CCBE1: variants seen among roughly 807,000 people sequenced by gnomAD.
CCBE1 encodes collagen and calcium-binding EGF domain-containing protein 1.
Under a neutral mutation model 50.0 loss-of-function variants are expected in CCBE1, and 37 were observed. The ratio of observed to expected loss-of-function variants is 0.74; its 90% CI spans 0.57 to 0.97. The LOEUF (loss-of-function observed/expected upper bound fraction) is 0.97, where lower values mean the gene tolerates loss of function less well. Among genes scored for constraint, CCBE1 ranks in the 50% least tolerant of loss-of-function variants. The probability of loss-of-function intolerance (pLI) is 0.00; values close to 1 mark genes in which losing one functional copy is unlikely to be tolerated. For synonymous variants in CCBE1, 234 were observed against 203.7 expected, an observed-to-expected ratio of 1.15 and a Z score of -1.27; for missense variants, 538 against 523.8, an observed-to-expected ratio of 1.03 and a Z score of -0.26.
At chr18:59,636,159 A>G (rs912222221) in intron 2 of CCBE1, among the ~76,000 whole-genome samples, 10 of 152,276 alleles carry the variant, frequency 6.6e-5, no homozygotes, top group African/African-American at 1.7e-4. Context: ...TCTCTAAAAA[A>G]AAATAAAGCC....
intron 7 of CCBE1, among the ~76,000 whole-genome samples, chr18:59,446,728 T>C (rs1037723488): frequency 2.0e-5 from 3 of 152,348 alleles, no homozygotes; most frequent in South Asian, 4.1e-4. Flanking sequence ...TAAATGCCGC[T>C]GACCACTGCA....
chr18:59,554,921 T>C (rs966629746), intron 2 of CCBE1, among the ~76,000 whole-genome samples: 1 of 152,234 alleles, frequency 6.6e-6, no homozygotes, highest in Non-Finnish European at 1.5e-5. Context: ...CGCAGGTCTC[T>C]GACAGAATGC....
chr18:59,683,194 A>G (rs572636357), intron 2 of CCBE1, among the ~76,000 whole-genome samples: 51 of 152,304 alleles, frequency 3.3e-4, no homozygotes, highest in African/African-American at 1.2e-3. Flanking sequence ...TCACCTGTTC[A>G]AGGCATAAGG....
At chr18:59,546,622 C>A (rs558839367) in intron 2 of CCBE1, among the ~76,000 whole-genome samples, 50 of 152,328 alleles carry the variant, frequency 3.3e-4, no homozygotes, top group African/African-American at 1.2e-3. Context: ...AATCCTTGAT[C>A]TATTTTTGTA....
chr18:59,560,982 G>A (rs1444273990), intron 2 of CCBE1, among the ~76,000 whole-genome samples: 1 of 152,230 alleles, frequency 6.6e-6, no homozygotes, highest in Non-Finnish European at 1.5e-5. Flanking sequence ...CCTAGACCCT[G>A]AGCCTTCACT....
chr18:59,588,123 C>G (rs552285329), intron 2 of CCBE1, among the ~76,000 whole-genome samples: 6 of 152,274 alleles, frequency 3.9e-5, no homozygotes, highest in African/African-American at 1.4e-4. Context: ...TTACATAGCT[C>G]AAAGGGCCAA....
At chr18:59,469,079 C>T (rs1453541381) in intron 4 of CCBE1, among the ~76,000 whole-genome samples, 2 of 152,230 alleles carry the variant, frequency 1.3e-5, no homozygotes, top group African/African-American at 4.8e-5. Context: ...CTCTGACTTC[C>T]TCCCAACCTG....
At chr18:59,541,876 T>TA (rs35073472) in intron 2 of CCBE1, among the ~76,000 whole-genome samples, 41,420 of 148,954 alleles carry the variant, frequency 0.28, 5,774 homozygotes, top group African/African-American at 0.32. Flanking sequence ...TCTGCTTAAT[T>TA]AAAAAAAAAA....
intron 2 of CCBE1, among the ~76,000 whole-genome samples, chr18:59,631,635 C>A (rs944675152): frequency 2.6e-5 from 4 of 152,206 alleles, no homozygotes; most frequent in Non-Finnish European, 4.4e-5. Flanking sequence ...TATGTGAGAG[C>A]AGCATGGTTC....
At chr18:59,646,872 T>C (rs2054061086) in intron 2 of CCBE1, among the ~76,000 whole-genome samples, 1 of 152,096 alleles carries the variant, frequency 6.6e-6, no homozygotes. Flanking sequence ...CTTAAGACAA[T>C]GATCAGGTCG....
chr18:59,474,532 C>T (rs909193140), intron 3 of CCBE1, among the ~76,000 whole-genome samples: 11 of 152,210 alleles, frequency 7.2e-5, no homozygotes, highest in African/African-American at 2.7e-4. Flanking sequence ...AGGGAGAAGG[C>T]TGAGGGCTTC....
At chr18:59,689,716 G>C (rs1408094181) in intron 2 of CCBE1, among the ~76,000 whole-genome samples, 1 of 152,338 alleles carries the variant, frequency 6.6e-6, no homozygotes, top group Admixed American at 6.5e-5. Flanking sequence ...AACTGGGCTT[G>C]GGGTATTTGT....
At chr18:59,466,274 T>C (rs1911736224) in intron 5 of CCBE1, among the ~76,000 whole-genome samples, 1 of 152,020 alleles carries the variant, frequency 6.6e-6, no homozygotes, top group South Asian at 2.1e-4. Flanking sequence ...TCCCATGCTA[T>C]TCTCATGACA....
intron 2 of CCBE1, among the ~76,000 whole-genome samples, chr18:59,654,439 A>G (rs1485666709): frequency 6.6e-6 from 1 of 152,222 alleles, no homozygotes; most frequent in African/African-American, 2.4e-5. Context: ...AAGCCTGGCC[A>G]ACATGGCAAA....
At chr18:59,515,674 T>G (rs562237729) in intron 2 of CCBE1, among the ~76,000 whole-genome samples, 1 of 152,216 alleles carries the variant, frequency 6.6e-6, no homozygotes, top group Non-Finnish European at 1.5e-5. Flanking sequence ...GGCTCTATGT[T>G]GCTCCCCTCT....
Position 59,697,276 on chromosome 18 carries a change from G to C in CCBE1, c.67C>G (p.Leu23Val). 1 of 1,549,212 alleles carries C rather than the reference G, an allele frequency of 6.5e-7. No individual in the cohort carries two copies. The highest frequency in any genetic ancestry group is 8.7e-7 in the Non-Finnish European group (1 of 1,146,750). The change falls in exon 1 of 11, where the codon CTG becomes GTG. Residue 23 changes from leucine to valine, a missense_variant. Leu to Val is a conservative substitution (Grantham distance 32). Transcript: ENST00000439986. ...RGQLGRSLGP[L>V]LLLLALGHTW... ...TGTCCCAACGCCAGGAGCAGCAGCA[G>C]CGGACCCAGGCTCCTGCCCAGCTGG...
intron 2 of CCBE1, among the ~76,000 whole-genome samples, chr18:59,575,390 C>T (rs1042447538): frequency 6.6e-6 from 1 of 152,144 alleles, no homozygotes; most frequent in African/African-American, 2.4e-5. Flanking sequence ...GGGGAAAGTG[C>T]ACTTTTCTAG....
At chr18:59,612,239 C>T (rs1179260801) in intron 2 of CCBE1, among the ~76,000 whole-genome samples, 3 of 139,732 alleles carry the variant, frequency 2.1e-5, no homozygotes, top group Non-Finnish European at 3.0e-5. Flanking sequence ...CACATGTATA[C>T]ATATGTAACT....
chr18:59,516,103 C>A (rs974290418), intron 2 of CCBE1, among the ~76,000 whole-genome samples: 4 of 152,286 alleles, frequency 2.6e-5, no homozygotes, highest in Non-Finnish European at 5.9e-5. Flanking sequence ...GGATTGCATG[C>A]ATGTCCCACC....
Sources: allele counts gnomAD v4.1 joint callset (sites outside exome capture counted in the v4.1 genomes callset), GRCh38; gene constraint gnomAD v4.1.1; transcripts MANE v1.5; gene names NCBI Gene and HGNC (gene_info 2026-07-23, HGNC 2026-07-21).